HELZ: variants seen among roughly 807,000 people sequenced by gnomAD.
HELZ encodes the protein helicase with zinc finger.
HELZ carries 23 observed loss-of-function variants against 218.2 expected under a neutral mutation model. The observed-to-expected ratio is 0.11, with a 90% CI of 0.08 to 0.15. The LOEUF (loss-of-function observed/expected upper bound fraction) is 0.15, where lower values mean the gene tolerates loss of function less well. Among genes scored for constraint, HELZ ranks in the 10% least tolerant of loss-of-function variants. HELZ has a pLI of 1.00. For synonymous variants in HELZ, 814 were observed against 829.4 expected, an observed-to-expected ratio of 0.98 and a Z score of 0.32; for missense variants, 1,813 against 2,353.7, an observed-to-expected ratio of 0.77 and a Z score of 4.75.
chr17:67,199,747 G>C (rs2040122660), intron 7 of HELZ, among the ~76,000 whole-genome samples: 1 of 151,952 alleles, frequency 6.6e-6, no homozygotes, highest in East Asian at 1.9e-4. Context: ...CTGTTTTTTG[G>C]TATGAACTGG....
intron 5 of HELZ, among the ~76,000 whole-genome samples, chr17:67,204,551 C>T (rs1432375445): frequency 2.0e-5 from 3 of 152,130 alleles, no homozygotes; most frequent in Non-Finnish European, 2.9e-5. Context: ...CAAGTAGATA[C>T]ATCAACTTAT....
intron 5 of HELZ, among the ~76,000 whole-genome samples, chr17:67,207,870 A>T (rs1056978115): frequency 6.6e-6 from 1 of 152,178 alleles, no homozygotes; most frequent in African/African-American, 2.4e-5. Flanking sequence ...TTAGCCAGGC[A>T]TGGCGGCGCA....
intron 1 of HELZ, chr17:67,244,094 C>A: frequency 3.5e-6 from 2 of 574,114 alleles, no homozygotes; most frequent in Non-Finnish European, 4.4e-6. Flanking sequence ...TCAACACAGA[C>A]TGACCTTACT....
chr17:67,127,236 C>A (rs6504487), intron 24 of HELZ, among the ~76,000 whole-genome samples: 91,145 of 152,002 alleles, frequency 0.6, 28,609 homozygotes, highest in East Asian at 0.88. Flanking sequence ...TGGCCACAGG[C>A]GGACTCGGGG....
intron 21 of HELZ, among the ~76,000 whole-genome samples, chr17:67,140,378 C>T (rs1047730111): frequency 2.6e-5 from 4 of 152,106 alleles, no homozygotes; most frequent in Admixed American, 6.5e-5. Flanking sequence ...AAGAGACCTA[C>T]GGCAGCTGGA....
rs117434151 is a variant in HELZ at position 67,224,064 on chromosome 17, C to T, written c.-18-5242G>A. Among the ~76,000 whole-genome samples the T allele has an allele frequency of 7.1e-3, 1,086 of 152,298 alleles. 10 individuals are homozygous for T. Among genetic ancestry groups the T allele is most frequent in the Non-Finnish European group, 8.1e-3 (554 of 68,032 alleles). ...TCCCCATCTCTCAGACCATGTGGTTCCTGAAGAGCTAACTCCACCAGGGAT... is the reference window on the plus strand; with the variant it reads ...TCCCCATCTCTCAGACCATGTGGTTTCTGAAGAGCTAACTCCACCAGGGAT... On this transcript the variant is annotated intron_variant, in intron 3 of 32. Coordinates refer to ENST00000358691, the MANE Select transcript of HELZ (RefSeq NM_014877.4).
intron 29 of HELZ, 40 bp downstream of exon 29, chr17:67,109,076 T>C: frequency 7.6e-6 from 11 of 1,449,278 alleles, no homozygotes; most frequent in Non-Finnish European, 1.0e-5. Flanking sequence ...TCATGTTAAG[T>C]AATCTCTGAA....
rs534086695 is a variant in HELZ at position 67,188,295 on chromosome 17, G to A, written c.1162+24C>T. The stretch of plus-strand genomic sequence containing the variant: ...ATGTTGCTTTTTAACACATTGTATC[G>A]GGGGAAAAAAGTCTAAATATTACCT... On this transcript the variant is annotated intron_variant, in intron 12 of 32. Coordinates refer to ENST00000358691, the MANE Select transcript of HELZ (RefSeq NM_014877.4). This position sits in a 1 kb window ranked among gnomAD's most constrained non-coding sequence, Gnocchi z 4.1. The A allele has an allele frequency of 3.1e-5, 49 of 1,579,704 alleles. No individual in the cohort carries two copies. The highest frequency in any genetic ancestry group is 1.7e-4 in the Middle Eastern group (1 of 5,896).
intron 21 of HELZ, among the ~76,000 whole-genome samples, chr17:67,142,684 T>G (rs891566200): frequency 6.6e-6 from 1 of 152,162 alleles, no homozygotes; most frequent in Non-Finnish European, 1.5e-5. Flanking sequence ...GCTGAAATTG[T>G]TATACTAATG....
At chr17:67,217,950 G>A (rs559650264) in intron 4 of HELZ, among the ~76,000 whole-genome samples, 2 of 146,886 alleles carry the variant, frequency 1.4e-5, no homozygotes, top group South Asian at 2.1e-4. Flanking sequence ...TTTTTAAGAC[G>A]GAGTCTCGGA....
chr17:67,083,363 C>T (rs550606708), intron 32 of HELZ, among the ~76,000 whole-genome samples: 6 of 152,148 alleles, frequency 3.9e-5, no homozygotes, highest in Admixed American at 2.0e-4. Flanking sequence ...ATATCTCAGC[C>T]GGGCACAGTG....
At position 67,178,709 on chromosome 17, in the gene HELZ, T is replaced by C; in HGVS notation, c.1380A>G (p.Leu460=). ...TCTCCTCAATATAAAGAAGGTCATG[T>C]AACCGTGACTGATAGTTGCTCTTGG... is the stretch of plus-strand genomic sequence containing the variant. ...SLTKSNYQSR[L]HDLLYIEEIA... is the part of the protein sequence containing the mutation. Residue 460 remains leucine (L), a synonymous_variant, in exon 13 of 33, where the codon TTA becomes TTG. Transcript: ENST00000358691. The C allele has an allele frequency of 6.2e-7, 1 of 1,613,900 alleles. No homozygotes were observed. The highest frequency in any genetic ancestry group is 8.5e-7 in the Non-Finnish European group (1 of 1,179,814).
chr17:67,169,627 C>A (rs1290362650), intron 13 of HELZ, among the ~76,000 whole-genome samples: 1 of 152,190 alleles, frequency 6.6e-6, no homozygotes, highest in African/African-American at 2.4e-5. Flanking sequence ...ATTCAAACTA[C>A]AGCATTCTGC....
intron 5 of HELZ, among the ~76,000 whole-genome samples, chr17:67,209,051 GGGAGGGAA>G: frequency 6.8e-6 from 1 of 146,938 alleles, no homozygotes; most frequent in African/African-American, 2.5e-5. Flanking sequence ...GAGGGAGGGA[GGGAGGGAA>G]GGAAGGAAAG....
At chr17:67,177,175 A>G (rs922339410) in intron 13 of HELZ, among the ~76,000 whole-genome samples, 2 of 151,696 alleles carry the variant, frequency 1.3e-5, no homozygotes, top group African/African-American at 4.8e-5. Context: ...CTGGTCTCAA[A>G]CTCTTGAGCA....
chr17:67,183,984 T>C (rs1024273195), intron 12 of HELZ, among the ~76,000 whole-genome samples: 1 of 151,838 alleles, frequency 6.6e-6, no homozygotes, highest in Non-Finnish European at 1.5e-5. Flanking sequence ...GTCTGGATGC[T>C]TTAGGTACAG....
At position 67,189,619 on chromosome 17, in the gene HELZ, G is replaced by A; in HGVS notation, c.834C>T (p.His278=). The change falls in exon 11 of 33, where the codon CAC becomes CAT. Residue 278 remains histidine, a synonymous_variant. Transcript: ENST00000358691. ...LSVTVSTKKS[H]QTWTFALTCK... Reference sequence around the variant, plus strand: ...AAGTGAGAGCAAAGGTCCATGTCTGGTGGGATTTTTTGGTGCTGACAGTAA... The same window carrying A: ...AAGTGAGAGCAAAGGTCCATGTCTGATGGGATTTTTTGGTGCTGACAGTAA... The A allele has an allele frequency of 6.2e-7, 1 of 1,613,056 alleles. No individual in the cohort carries two copies. The highest frequency in any genetic ancestry group is 1.1e-5 in the South Asian group (1 of 91,042).
At chr17:67,202,537 T>G (rs1349077829) in intron 6 of HELZ, among the ~76,000 whole-genome samples, 1 of 152,190 alleles carries the variant, frequency 6.6e-6, no homozygotes, top group Non-Finnish European at 1.5e-5. Flanking sequence ...ACAAAATTGA[T>G]TGTAAAGTCT....
In HELZ at chr17:67,194,138, T is replaced by A. The variant is rs553181113; in HGVS notation, c.482-96A>T. The A allele has an allele frequency of 3.7e-6, 3 of 807,494 alleles. No homozygotes were observed. The African/African-American group carries it at 5.2e-5, about 14-fold the overall frequency. 50.0% of individuals were successfully genotyped at this position (807,494 alleles called of 1,614,324 possible). On this transcript the variant is annotated intron_variant, in intron 8 of 32. Coordinates refer to ENST00000358691, the MANE Select transcript of HELZ (RefSeq NM_014877.4). ...AGATACTACAATCCCTCCACATACA[T>A]CATCCCATATGATGTAAAAAAGAAC...
Sources: allele counts gnomAD v4.1 joint callset (sites outside exome capture counted in the v4.1 genomes callset), GRCh38; gene constraint gnomAD v4.1.1; non-coding constraint Gnocchi (gnomAD v3.1); transcripts MANE v1.5; gene names NCBI Gene and HGNC (gene_info 2026-07-23, HGNC 2026-07-21).